ACVRL1: variants seen among roughly 807,000 people sequenced by gnomAD.
ACVRL1 encodes the protein activin receptor type-1-like.
ACVRL1 carries 20 observed loss-of-function variants against 51.9 expected under a neutral mutation model. The ratio of observed to expected loss-of-function variants is 0.39; its 90% CI spans 0.27 to 0.56. The LOEUF (loss-of-function observed/expected upper bound fraction) is 0.56, where lower values mean the gene tolerates loss of function less well. Ranked by LOEUF, ACVRL1 falls within the 20% of genes least tolerant of loss-of-function variation. The probability of loss-of-function intolerance (pLI) is 0.67; values close to 1 mark genes in which losing one functional copy is unlikely to be tolerated. For synonymous variants in ACVRL1, 288 were observed against 280.9 expected (o/e 1.03, Z -0.25); for missense variants, 451 against 670.3 (o/e 0.67, Z 3.61).
chr12:51,911,074 T>A (rs1191340609), intron 1 of ACVRL1, among the ~76,000 whole-genome samples: 1 of 152,278 alleles, frequency 6.6e-6, no homozygotes, highest in Non-Finnish European at 1.5e-5. Flanking sequence ...CACCATGTCA[T>A]GCCAAAGGAC....
rs561887422 is a variant in ACVRL1, at chr12:51,910,008, A to G, written c.-6+2313A>G. 6.6e-5 allele frequency among the ~76,000 whole-genome samples: 10 copies of G among 152,348 alleles called. No individual in the cohort carries two copies. The South Asian group carries it at 1.7e-3, about 25-fold the overall frequency. On this transcript the variant is annotated intron_variant, in intron 1 of 9. Transcript: ENST00000388922. ...GGCCCCAGGAGTCTGTCTGTGCTAC[A>G]GTCAGATTTCAGGGTAAATCGTACA...
Position 51,915,264 on chromosome 12 carries a change from C to T in ACVRL1, c.812C>T (p.Thr271Met). 6.2e-7 allele frequency: 1 copy of T among 1,614,200 alleles called. No individual in the cohort carries two copies. Among genetic ancestry groups the T allele is most frequent in the Non-Finnish European group, 8.5e-7 (1 of 1,180,050 alleles). ...ASDMTSRNSS[T>M]QLWLITHYHE... ...GACATGACCTCCCGCAACTCGAGCA[C>T]GCAGCTGTGGCTCATCACGCACTAC... The change falls in exon 7 of 10, where the codon ACG becomes ATG. Residue 271 changes from threonine to methionine, a missense_variant. Around this residue, in one of 2 missense-constraint regions of ACVRL1, gnomAD observed 259 missense variants for 453.4 expected, o/e 0.57. Transcript: ENST00000388922.
intron 8 of ACVRL1, 44 bp downstream of exon 8, chr12:51,916,277 T>C: frequency 3.1e-6 from 5 of 1,597,060 alleles, no homozygotes; most frequent in Non-Finnish European, 4.3e-6. Context: ...GGAATCAGCC[T>C]GTGGAGCCAG....
chr12:51,920,691 G>C (rs556726899), intron 9 of ACVRL1, 68 bp from the exon 10 acceptor site: 1 of 1,569,054 alleles, frequency 6.4e-7, no homozygotes, highest in Non-Finnish European at 8.7e-7. Context: ...TCTCTCTCCC[G>C]ACCCCCTCCT....
chr12:51,915,911 T>C, intron 7 of ACVRL1, 125 bp from the exon 8 acceptor site: 1 of 1,061,752 alleles, frequency 9.4e-7, no homozygotes, highest in Non-Finnish European at 1.4e-6. Flanking sequence ...TTCCAGCCCA[T>C]CTCCGTGCAC....
chr12:51,915,148 C>A, intron 6 of ACVRL1, 77 bp from the exon 7 acceptor site: 1 of 1,540,618 alleles, frequency 6.5e-7, no homozygotes, highest in Non-Finnish European at 8.9e-7. Flanking sequence ...CTCCCCCAAC[C>A]CCACCCTGAC....
intron 8 of ACVRL1, 98 bp from the exon 9 acceptor site, chr12:51,918,887 T>C: frequency 6.3e-7 from 1 of 1,577,954 alleles, no homozygotes; most frequent in Non-Finnish European, 8.7e-7. Flanking sequence ...GCCACTGGTT[T>C]CTGGCCCTTG....
rs778170281 is a variant in ACVRL1, at chr12:51,914,591, G to A, written c.772+6G>A. On this transcript the variant is annotated splice_donor_region_variant and intron_variant, in intron 6 of 9. Transcript: ENST00000388922. ...CAGACACGACAACATCCTAGGCAAGGGGAGAGGCCAGCTGTGCCAGGCCTG... is the reference window on the plus strand; with the variant it reads ...CAGACACGACAACATCCTAGGCAAGAGGAGAGGCCAGCTGTGCCAGGCCTG... 7.4e-6 allele frequency: 12 copies of A among 1,610,740 alleles called. No homozygotes were observed. Among genetic ancestry groups the A allele is most frequent in the Admixed American group, 5.0e-5 (3 of 59,626 alleles).
chr12:51,915,483 G>A lies in ACVRL1; in HGVS notation c.1031G>A (p.Cys344Tyr), dbSNP rs28936688. ...GTGCTGGTCAAGAGCAACCTGCAGT[G>A]TTGCATCGCCGACCTGGGTGAGCCG... ...RNVLVKSNLQ[C>Y]CIADLGLAVM... Residue 344 changes from cysteine to tyrosine, a missense_variant, in exon 7 of 10, where the codon TGT (cysteine) becomes TAT (tyrosine). Coordinates refer to ENST00000388922, the MANE Select transcript of ACVRL1 (RefSeq NM_000020.3). 6.2e-7 allele frequency: 1 copy of A among 1,608,420 alleles called. No individual in the cohort carries two copies. Among genetic ancestry groups the A allele is most frequent in the Non-Finnish European group, 8.5e-7 (1 of 1,176,762 alleles).
intron 7 of ACVRL1, chr12:51,915,783 G>C (rs1027571870): frequency 1.6e-6 from 1 of 637,146 alleles, no homozygotes; most frequent in Non-Finnish European, 2.7e-6. Flanking sequence ...TCTGCTCTGT[G>C]AAGTGGGCTC....
At chr12:51,911,642 T>A (rs1013652386) in intron 1 of ACVRL1, among the ~76,000 whole-genome samples, 6 of 152,206 alleles carry the variant, frequency 3.9e-5, no homozygotes, top group Admixed American at 1.3e-4. Flanking sequence ...ATTAGGAGTC[T>A]GGAAACCTGG....
intron 9 of ACVRL1, among the ~76,000 whole-genome samples, chr12:51,920,484 A>C: frequency 1.3e-5 from 2 of 150,262 alleles, no homozygotes. Flanking sequence ...TCCCTTTCTC[A>C]CTCTACTCTC....
chr12:51,919,951 A>G (rs921409825), intron 9 of ACVRL1, among the ~76,000 whole-genome samples: 4 of 152,212 alleles, frequency 2.6e-5, no homozygotes, highest in Non-Finnish European at 4.4e-5. Flanking sequence ...TATCTGGCTC[A>G]CAATAGGTGC....
Position 51,921,135 on chromosome 12 carries a change from A to G in ACVRL1, c.*242A>G, listed in dbSNP as rs147728309. The G allele has an allele frequency of 1.1e-3, 575 of 543,136 alleles. No individual in the cohort carries two copies. Among genetic ancestry groups the G allele is most frequent in the Admixed American group, 3.8e-3 (126 of 32,920 alleles). 33.6% of individuals were successfully genotyped at this position (543,136 alleles called of 1,614,324 possible). On this transcript the variant is annotated 3_prime_UTR_variant, in exon 10 of 10. Coordinates refer to ENST00000388922, the MANE Select transcript of ACVRL1 (RefSeq NM_000020.3). The stretch of plus-strand genomic sequence containing the variant: ...GACGCCTGGCTCTCTCCCCACCCCT[A>G]TGGCCAGCATGGTGCACCCCCTACC...
intron 9 of ACVRL1, 59 bp downstream of exon 9, chr12:51,919,174 G>C (rs762196329): frequency 7.4e-6 from 12 of 1,612,216 alleles, no homozygotes; most frequent in Middle Eastern, 1.6e-4. Flanking sequence ...TGGGATTTCT[G>C]GGCCCAGGAA....
At chr12:51,913,450 C>CGGGGGGG in intron 3 of ACVRL1, 100 bp downstream of exon 3, 10 of 543,906 alleles carry the variant, frequency 1.8e-5, no homozygotes, top group East Asian at 6.2e-5. Context: ...GGGCTGGGGG[C>CGGGGGGG]GGGGGAGCGG....
intron 1 of ACVRL1, 33 bp from the exon 2 acceptor site, chr12:51,912,437 C>G: frequency 6.2e-7 from 1 of 1,612,078 alleles, no homozygotes; most frequent in Non-Finnish European, 8.5e-7. Context: ...CACTTCATGG[C>G]TCTTACTCCA....
chr12:51,920,932 G>C lies in ACVRL1; in HGVS notation c.*39G>C. The C allele has an allele frequency of 7.0e-7, 1 of 1,424,064 alleles. No individual in the cohort carries two copies. 88.2% of individuals were successfully genotyped at this position (1,424,064 alleles called of 1,614,324 possible). A position where few individuals can be genotyped will look rare whatever the true frequency, so the allele number is the denominator to read the frequency against. ...GATTCCTTTCTGCCTGCAGGGGGCTGGGGGGGTGGGGGGCAGTGGATGGTG... is the reference window on the plus strand; with the variant it reads ...GATTCCTTTCTGCCTGCAGGGGGCTCGGGGGGTGGGGGGCAGTGGATGGTG... On this transcript the variant is annotated 3_prime_UTR_variant, in exon 10 of 10. Coordinates refer to ENST00000388922, the MANE Select transcript of ACVRL1 (RefSeq NM_000020.3).
rs863223416 is a variant in ACVRL1, at chr12:51,913,648, CTGGG to C, written c.406_409del (p.Gly136SerfsTer28). 1.2e-6 allele frequency: 2 copies of C among 1,607,206 alleles called. No homozygotes were observed. Among genetic ancestry groups the C allele is most frequent in the African/African-American group, 2.7e-5 (2 of 74,940 alleles). On this transcript the variant is annotated frameshift_variant, in exon 4 of 10. Transcript: ENST00000388922. LOFTEE classifies it high-confidence loss of function. ...GCTGGCCTTGCTGGCCCTGGTGGCC[CTGGG>C]TGTCCTGGGCCTGTGGCATGTCCGA...
Sources: allele counts gnomAD v4.1 joint callset (sites outside exome capture counted in the v4.1 genomes callset), GRCh38; gene constraint gnomAD v4.1.1; regional missense constraint gnomAD v4.1.1; transcripts MANE v1.5; gene names NCBI Gene and HGNC (gene_info 2026-07-23, HGNC 2026-07-21).